NFIB: variants seen among roughly 807,000 people sequenced by gnomAD.
NFIB encodes the protein nuclear factor I B, also known as nuclear factor 1 B-type.
In NFIB, 11 loss-of-function variants were observed where a neutral mutation model predicts 61.5. The observed-to-expected ratio is 0.18, with a 90% confidence interval of 0.11 to 0.30. The LOEUF is 0.30. Ranked by LOEUF, NFIB falls within the 10% of genes least tolerant of loss-of-function variation. The probability of loss-of-function intolerance (pLI) is 1.00; values close to 1 mark genes in which losing one functional copy is unlikely to be tolerated. For missense variants in NFIB, 471 were observed against 608.9 expected (o/e 0.77, Z 2.38); for synonymous variants, 260 against 216.5 (o/e 1.20, Z -1.76).
At chr9:14,188,420 G>T (rs1017304981) in intron 2 of NFIB, among the ~76,000 whole-genome samples, 1 of 152,128 alleles carries the variant, frequency 6.6e-6, no homozygotes, top group Non-Finnish European at 1.5e-5. Context: ...TGTAGAGGAG[G>T]GAAGAGTTTT....
chr9:14,361,465 G>GA (rs1487420460), intron 1 of NFIB: 1 of 152,130 alleles, frequency 6.6e-6, no homozygotes, highest in Non-Finnish European at 1.5e-5. Context: ...ATCAAAAAGA[G>GA]AATTGTTCTG....
At chr9:14,425,607 A>AT in the NFIB span, among the ~76,000 whole-genome samples, 1,548 of 99,032 alleles carry the variant, frequency 0.016, 36 homozygotes, top group South Asian at 0.04. Context: ...TTGCTACATA[A>AT]TTTTTTTTTT....
At chr9:14,111,694 G>T (rs1055530272) in intron 10 of NFIB, among the ~76,000 whole-genome samples, 1 of 152,202 alleles carries the variant, frequency 6.6e-6, no homozygotes, top group East Asian at 1.9e-4. Context: ...ACATTCCAGA[G>T]AATTATGTTG....
intron 2 of NFIB, among the ~76,000 whole-genome samples, chr9:14,259,638 C>A (rs145211778): frequency 6.6e-6 from 1 of 152,102 alleles, no homozygotes; most frequent in Non-Finnish European, 1.5e-5. Context: ...CAGTGGCTCA[C>A]GCCTGTAATC....
chr9:14,295,819 A>T (rs1418899424), intron 2 of NFIB, among the ~76,000 whole-genome samples: 1 of 152,178 alleles, frequency 6.6e-6, no homozygotes, highest in Non-Finnish European at 1.5e-5. Flanking sequence ...TTGATAGGAC[A>T]CCCTTTACCC....
chr9:14,505,307 G>T, the NFIB span, among the ~76,000 whole-genome samples: 1 of 152,134 alleles, frequency 6.6e-6, no homozygotes, highest in African/African-American at 2.4e-5. Flanking sequence ...ATATTGATCT[G>T]TAGTTTTCTT....
the NFIB span, among the ~76,000 whole-genome samples, chr9:14,509,789 G>T: frequency 1.3e-5 from 2 of 152,202 alleles, no homozygotes; most frequent in East Asian, 3.8e-4. Flanking sequence ...ATGGTGAAAT[G>T]GCCCTTCCTG....
intron 1 of NFIB, among the ~76,000 whole-genome samples, chr9:14,341,347 G>A (rs907936263): frequency 2.0e-5 from 3 of 152,194 alleles, no homozygotes; most frequent in Admixed American, 1.3e-4. Flanking sequence ...CTTCCAGGAA[G>A]GATGGACAGC....
At chr9:14,360,772 C>G (rs2061229897) in intron 1 of NFIB, among the ~76,000 whole-genome samples, 2 of 152,068 alleles carry the variant, frequency 1.3e-5, no homozygotes, top group Non-Finnish European at 2.9e-5. Context: ...TCTCGATCTC[C>G]TGACCTCGTC....
chr9:14,412,778 T>C, the NFIB span, among the ~76,000 whole-genome samples: 57 of 152,312 alleles, frequency 3.7e-4, no homozygotes, highest in African/African-American at 1.3e-3. Context: ...GTAATTAAAC[T>C]AGACCCAGGG....
At chr9:14,214,907 A>C (rs951082118) in intron 2 of NFIB, among the ~76,000 whole-genome samples, 3 of 152,258 alleles carry the variant, frequency 2.0e-5, no homozygotes, top group African/African-American at 7.2e-5. Context: ...TGACTTCATA[A>C]AGTACGTGTA....
intron 2 of NFIB, among the ~76,000 whole-genome samples, chr9:14,296,671 G>C (rs560744605): frequency 6.6e-6 from 1 of 152,344 alleles, no homozygotes; most frequent in South Asian, 2.1e-4. Context: ...GCCCTCGCTG[G>C]AACTTGACTA....
At chr9:14,259,916 G>A (rs140319560) in intron 2 of NFIB, among the ~76,000 whole-genome samples, 44 of 152,130 alleles carry the variant, frequency 2.9e-4, no homozygotes, top group Admixed American at 1.8e-3. Flanking sequence ...AAAACAAAAC[G>A]AAACGAAACA....
At chr9:14,456,360 G>T in the NFIB span, among the ~76,000 whole-genome samples, 1 of 152,120 alleles carries the variant, frequency 6.6e-6, no homozygotes, top group East Asian at 1.9e-4. Flanking sequence ...TAATAATAAA[G>T]TTTTTCTGGA....
Position 14,150,091 on chromosome 9 carries a change from C to T in NFIB, c.806+54G>A, listed in dbSNP as rs2042696105. On this transcript the variant is annotated intron_variant, in intron 5 of 10. Transcript: ENST00000380953. Reference sequence around the variant, plus strand: ...ACCTATCTATCTGCCTATCATCCACCTACGAACCTATGTGTGTATCACTTG... The same window carrying T: ...ACCTATCTATCTGCCTATCATCCACTTACGAACCTATGTGTGTATCACTTG... The T allele has an allele frequency of 3.7e-6, 6 of 1,608,450 alleles. No homozygotes were observed. The South Asian group carries it at 6.6e-5, about 18-fold the overall frequency.
chr9:14,439,437 A>T, the NFIB span, among the ~76,000 whole-genome samples: 30 of 152,326 alleles, frequency 2.0e-4, no homozygotes, highest in South Asian at 5.4e-3. Context: ...TTTCCTTCCT[A>T]AAAAGGGGAT....
chr9:14,355,909 A>C (rs1479420267), intron 1 of NFIB, among the ~76,000 whole-genome samples: 16 of 151,924 alleles, frequency 1.1e-4, no homozygotes, highest in Non-Finnish European at 2.4e-4. Flanking sequence ...GTGAGCTGAG[A>C]TCACGCCACT....
chr9:14,228,020 TC>T (rs1003192278), intron 2 of NFIB, among the ~76,000 whole-genome samples: 1 of 152,200 alleles, frequency 6.6e-6, no homozygotes, highest in African/African-American at 2.4e-5. Flanking sequence ...CATTTACTCT[TC>T]CTTTAATCAG....
chr9:14,224,153 T>C (rs2131858256), intron 2 of NFIB, among the ~76,000 whole-genome samples: 1 of 152,364 alleles, frequency 6.6e-6, no homozygotes, highest in East Asian at 1.9e-4. Flanking sequence ...TATTTCTGGC[T>C]GACCCAGAAG....
Sources: allele counts gnomAD v4.1 joint callset (sites outside exome capture counted in the v4.1 genomes callset), GRCh38; gene constraint gnomAD v4.1.1; transcripts MANE v1.5; gene names NCBI Gene and HGNC (gene_info 2026-07-23, HGNC 2026-07-21).